COL28A1: variants seen among roughly 807,000 people sequenced by gnomAD.
COL28A1 encodes the protein collagen alpha-1(XXVIII) chain.
Under a neutral mutation model 150.2 loss-of-function variants are expected in COL28A1, and 161 were observed. That is an observed-to-expected ratio of 1.07 (90% CI 0.94 to 1.22). The LOEUF is 1.22. Ranked by LOEUF, COL28A1 falls within the 50% of genes most tolerant of loss-of-function variation. The pLI is 0.00. For missense variants in COL28A1, 1,617 were observed against 1,388.3 expected (o/e 1.16, Z -2.62); for synonymous variants, 552 against 469.7 (o/e 1.18, Z -2.26).
chr7:7,537,361 T>C (rs935950788), upstream of COL28A1, among the ~76,000 whole-genome samples: 2 of 152,158 alleles, frequency 1.3e-5, no homozygotes, highest in Non-Finnish European at 2.9e-5. Flanking sequence ...CACACAGACA[T>C]GGGGAAAACA....
chr7:7,485,697 C>A (rs557907744), intron 13 of COL28A1, among the ~76,000 whole-genome samples: 3 of 152,100 alleles, frequency 2.0e-5, no homozygotes, highest in East Asian at 1.9e-4. Context: ...TAACCAATTG[C>A]GCCAGCACCA....
chr7:7,361,451 C>T (rs1485712715), intron 33 of COL28A1, among the ~76,000 whole-genome samples: 1 of 152,180 alleles, frequency 6.6e-6, no homozygotes, highest in Non-Finnish European at 1.5e-5. Flanking sequence ...AATTTACACT[C>T]CCACCAACTG....
chr7:7,385,016 G>T (rs1022789725), intron 27 of COL28A1, among the ~76,000 whole-genome samples: 2 of 152,208 alleles, frequency 1.3e-5, no homozygotes, highest in East Asian at 3.8e-4. Context: ...ATGAAGGTTA[G>T]TGGGGTCTGC....
rs565849104 is a variant in COL28A1 at position 7,452,330 on chromosome 7, G to C, written c.1498C>G (p.Gln500Glu). The C allele has an allele frequency of 1.2e-6, 2 of 1,605,058 alleles. No homozygotes were observed. The highest frequency in any genetic ancestry group is 3.5e-5 in the Admixed American group (2 of 56,718). Residue 500 changes from glutamine (Q) to glutamate (E), a missense_variant, in exon 18 of 35, where the codon CAA (glutamine) becomes GAA (glutamate). Transcript: ENST00000399429. Reference sequence around the variant, plus strand: ...AGCAGTCAACTCACCTTTGGACCTTGTACTCCAATTCCCACTGGTCCTCGA... The same window carrying C: ...AGCAGTCAACTCACCTTTGGACCTTCTACTCCAATTCCCACTGGTCCTCGA... Reference protein sequence around the residue: ...GPRGPVGIGVQGPKGEPGSIG... With the variant: ...GPRGPVGIGVEGPKGEPGSIG...
chr7:7,433,013 C>T (rs1349564699), intron 23 of COL28A1, among the ~76,000 whole-genome samples: 6 of 151,662 alleles, frequency 4.0e-5, no homozygotes, highest in East Asian at 3.9e-4. Context: ...TAATGGGGCC[C>T]GAATTATACG....
At chr7:7,435,051 G>A (rs890059736) in intron 23 of COL28A1, among the ~76,000 whole-genome samples, 2 of 152,144 alleles carry the variant, frequency 1.3e-5, no homozygotes, top group Non-Finnish European at 2.9e-5. Flanking sequence ...AACAGAAAGA[G>A]TATCATTAGA....
intron 25 of COL28A1, among the ~76,000 whole-genome samples, chr7:7,426,732 G>C (rs538694869): frequency 2.0e-4 from 31 of 152,196 alleles, no homozygotes; most frequent in African/African-American, 7.5e-4. Context: ...GTATCTCATA[G>C]TCCCTGACAA....
intron 19 of COL28A1, among the ~76,000 whole-genome samples, chr7:7,444,033 T>G (rs927556434): frequency 2.7e-5 from 4 of 150,266 alleles, no homozygotes; most frequent in African/African-American, 4.9e-5. Flanking sequence ...AAATGAGTAT[T>G]TCAAATGTCA....
intron 18 of COL28A1, among the ~76,000 whole-genome samples, chr7:7,451,176 A>G (rs1025299051): frequency 6.6e-6 from 1 of 152,114 alleles, no homozygotes; most frequent in Admixed American, 6.5e-5. Context: ...GGGCCGTGGA[A>G]TACATAGGTG....
chr7:7,473,701 A>G (rs1007446216), intron 15 of COL28A1, among the ~76,000 whole-genome samples: 2 of 152,192 alleles, frequency 1.3e-5, no homozygotes, highest in African/African-American at 4.8e-5. Context: ...TACCCAGAGG[A>G]AAAGTCGTCA....
chr7:7,533,903 T>G (rs1382586144), intron 1 of COL28A1, among the ~76,000 whole-genome samples: 3 of 152,182 alleles, frequency 2.0e-5, no homozygotes, highest in Non-Finnish European at 4.4e-5. Flanking sequence ...TGAAACTTTA[T>G]TGACTTCAGG....
intron 25 of COL28A1, among the ~76,000 whole-genome samples, chr7:7,429,501 G>A (rs758961909): frequency 2.0e-5 from 3 of 151,084 alleles, no homozygotes; most frequent in Non-Finnish European, 4.4e-5. Flanking sequence ...GTGTGTATGC[G>A]TGTGTGTTTC....
At chr7:7,420,533 A>G (rs192952382) in intron 25 of COL28A1, among the ~76,000 whole-genome samples, 89 of 152,374 alleles carry the variant, frequency 5.8e-4, no homozygotes, top group Admixed American at 1.6e-3. Flanking sequence ...GGAGAGAAAT[A>G]AAAATTGCTT....
chr7:7,543,257 T>C, the COL28A1 span, among the ~76,000 whole-genome samples: 3 of 152,206 alleles, frequency 2.0e-5, no homozygotes, highest in East Asian at 1.9e-4. Flanking sequence ...TTTCCTCTTC[T>C]TGAACAAGTA....
At position 7,381,600 on chromosome 7, in the gene COL28A1, G is replaced by T; in HGVS notation, c.2149C>A (p.Pro717Thr). The change falls in exon 28 of 35, where the codon CCA becomes ACA. Residue 717 changes from proline (P) to threonine (T), a missense_variant. Physicochemically the swap from Pro to Thr is conservative, Grantham distance 38. Transcript: ENST00000399429. Reference protein sequence around the residue: ...GSQGIKGEQGPQGFPGPKGTM... With the variant: ...GSQGIKGEQGTQGFPGPKGTM... ...CCCTTTGGGCCTGGGAAGCCTTGTG[G>T]TCCTTGTTCCCCCTACATAGGATAT... 1 of 1,613,464 alleles carries T rather than the reference G, an allele frequency of 6.2e-7. No individual in the cohort carries two copies. The highest frequency in any genetic ancestry group is 8.5e-7 in the Non-Finnish European group (1 of 1,179,360).
At chr7:7,355,918 G>C (rs1163735376), downstream of COL28A1, among the ~76,000 whole-genome samples, 1 of 152,078 alleles carries the variant, frequency 6.6e-6, no homozygotes, top group Non-Finnish European at 1.5e-5. Context: ...AGAATACTGA[G>C]GAAAATGAAA....
chr7:7,418,917 G>A (rs1784248550), intron 26 of COL28A1, among the ~76,000 whole-genome samples: 1 of 152,166 alleles, frequency 6.6e-6, no homozygotes, highest in Admixed American at 6.5e-5. Flanking sequence ...GGACAAAACA[G>A]AGATAAACTG....
At chr7:7,418,268 A>G (rs914224340) in intron 26 of COL28A1, among the ~76,000 whole-genome samples, 1 of 152,162 alleles carries the variant, frequency 6.6e-6, no homozygotes, top group Non-Finnish European at 1.5e-5. Flanking sequence ...TGCACCACAT[A>G]TGAAAACCAC....
downstream of COL28A1, among the ~76,000 whole-genome samples, chr7:7,352,679 C>A (rs1344938418): frequency 6.6e-6 from 1 of 152,198 alleles, no homozygotes; most frequent in Non-Finnish European, 1.5e-5. Context: ...AGAAGAAACA[C>A]AGCCCTATGG....
Sources: gnomAD v4.1 joint callset for allele counts (sites outside exome capture counted in the v4.1 genomes callset) on GRCh38, gnomAD v4.1.1 for gene constraint, MANE v1.5 for transcripts, NCBI Gene and HGNC (gene_info 2026-07-23, HGNC 2026-07-21) for gene names.